Variants in TTN observed in about 807,000 individuals in gnomAD.
The protein encoded by TTN is titin.
A neutral mutation model predicts 3,223.0 loss-of-function variants in TTN; 1,525 were observed. The ratio of observed to expected loss-of-function variants is 0.47; its 90% confidence interval spans 0.45 to 0.49. The LOEUF (loss-of-function observed/expected upper bound fraction) is 0.49. Ranked by LOEUF, TTN falls within the 20% of genes least tolerant of loss-of-function variation. The pLI, the probability that TTN is intolerant of heterozygous loss-of-function variation, is 0.00. For synonymous variants in TTN, 14,094 were observed against 15,161.0 expected (o/e 0.93, Z 5.17); for missense variants, 40,786 against 43,424.0 (o/e 0.94, Z 5.40).
rs1170675568 is a variant in TTN, at chr2:178,565,863, C to G, written c.80269G>C (p.Val26757Leu). ...LTEGAIYYFRVMAENEFGVGV... is the reference protein window; with the variant it reads ...LTEGAIYYFRLMAENEFGVGV... Reference sequence around the variant, plus strand: ...ACTCCAAATTCATTTTCAGCCATGACTCTGAAGTAATAAATGGCTCCTTCT... The same window carrying G: ...ACTCCAAATTCATTTTCAGCCATGAGTCTGAAGTAATAAATGGCTCCTTCT... The change falls in exon 326 of 363, where the codon GTC (valine) becomes CTC (leucine). Residue 26757 changes from valine to leucine, a missense_variant. Transcript: ENST00000589042. 4 of 1,613,644 alleles carry G rather than the reference C, an allele frequency of 2.5e-6. No homozygotes were observed. Among genetic ancestry groups the G allele is most frequent in the Non-Finnish European group, 2.5e-6 (3 of 1,179,650 alleles).
chr2:178,799,937 G>C, intron 4 of TTN, 27 bp from the exon 5 acceptor site: 7 of 1,610,108 alleles, frequency 4.3e-6, no homozygotes, highest in Non-Finnish European at 5.9e-6. Flanking sequence ...ATGAATGTTT[G>C]GGAGGGGGCA....
chr2:178,556,465 AAAAC>A (rs1234945593), intron 330 of TTN: 1 of 223,514 alleles, frequency 4.5e-6, no homozygotes, highest in African/African-American at 2.4e-5. Context: ...CAAAAAAAAA[AAAAC>A]CAAAAAATGA....
intron 111 of TTN, among the ~76,000 whole-genome samples, chr2:178,700,866 C>A (rs1156969046): frequency 6.6e-6 from 1 of 152,052 alleles, no homozygotes; most frequent in Non-Finnish European, 1.5e-5. Flanking sequence ...AATTAGTTCT[C>A]TATTAATGTT....
At chr2:178,689,431 A>G in intron 123 of TTN, 58 bp from the exon 124 acceptor site, 2 of 1,606,578 alleles carry the variant, frequency 1.2e-6, no homozygotes, top group South Asian at 1.1e-5. Flanking sequence ...AATGAGCAAC[A>G]TAGAAGTGGC....
chr2:178,585,384 G>C (rs1189966953), intron 308 of TTN, 37 bp from the exon 309 acceptor site: 1 of 1,530,926 alleles, frequency 6.5e-7, no homozygotes, highest in African/African-American at 1.4e-5. Flanking sequence ...TTTTGGGAAG[G>C]TGGATAAGTT....
Position 178,691,983 on chromosome 2 carries a change from C to A in TTN, c.31762+33G>T, listed in dbSNP as rs754735170. 6 of 1,582,456 alleles carry A rather than the reference C, an allele frequency of 3.8e-6. No individual in the cohort carries two copies. In the African/African-American group the frequency reaches 4.1e-5, roughly 11 times the overall value. ...GAAAGCAAAAGGCTGGCACTTGGAG[C>A]AAAGAGTCTCCCCATCATTGGCTCT... On this transcript the variant is annotated intron_variant, in intron 121 of 362. Coordinates refer to ENST00000589042, the MANE Select transcript of TTN (RefSeq NM_001267550.2).
chr2:178,773,591 C>T lies in TTN; in HGVS notation c.7465G>A (p.Asp2489Asn). The T allele has an allele frequency of 6.2e-7, 1 of 1,614,012 alleles. No individual in the cohort carries two copies. Among genetic ancestry groups the T allele is most frequent in the Non-Finnish European group, 8.5e-7 (1 of 1,179,956 alleles). The change falls in exon 32 of 363, where the codon GAC becomes AAC. Residue 2489 changes from aspartate to asparagine, a missense_variant. Transcript: ENST00000589042. ...CCTTTCACAATGGCCTGTACACGGT[C>T]ATCAGGCTTGATTTGTTCATCATTT... is the stretch of plus-strand genomic sequence containing the variant. ...YLNDEQIKPD[D>N]RVQAIVKGTK...
intron 147 of TTN, among the ~76,000 whole-genome samples, chr2:178,676,549 T>C (rs554246215): frequency 6.6e-6 from 1 of 151,982 alleles, no homozygotes; most frequent in African/African-American, 2.4e-5. Flanking sequence ...CATTCAATGA[T>C]AGACTACTTT....
chr2:178,760,911 C>G (rs1574438706), intron 43 of TTN: 1 of 151,320 alleles, frequency 6.6e-6, no homozygotes, highest in South Asian at 2.1e-4. Context: ...CATCCTCTTA[C>G]AAGGTTCTCT....
At chr2:178,728,864 A>G in intron 65 of TTN, 27 bp downstream of exon 65, 1 of 1,577,042 alleles carries the variant, frequency 6.3e-7, no homozygotes, top group Non-Finnish European at 8.6e-7. Context: ...GCTATAGACT[A>G]TCTTTGAAAG....
chr2:178,662,542 C>CG lies in TTN; in HGVS notation c.36948dup (p.Ala12317ArgfsTer33). 2.9e-6 allele frequency: 3 copies of CG among 1,039,026 alleles called. No individual in the cohort carries two copies. The highest frequency in any genetic ancestry group is 3.8e-6 in the Non-Finnish European group (3 of 786,984). The allele number at this position is 1,039,026 out of a possible 1,614,324, so 64.4% of individuals were successfully genotyped here. ...TTGAGCTGACATGTACCTGTAACTG[C>CG]GGGGGCTTCTGGTTTTTTGATTGGT... On this transcript the variant is annotated frameshift_variant, in exon 176 of 363. Coordinates refer to ENST00000589042, the MANE Select transcript of TTN (RefSeq NM_001267550.2). LOFTEE classifies it high-confidence loss of function.
At chr2:178,746,025 C>T in intron 47 of TTN, 1 of 1,613,446 alleles carries the variant, frequency 6.2e-7, no homozygotes, top group Non-Finnish European at 8.5e-7. Context: ...GCCTCTCCTA[C>T]ACAATTCACA....
chr2:178,784,534 G>C (rs1333167117), intron 15 of TTN, among the ~76,000 whole-genome samples, 183 bp from the exon 16 acceptor site: 1 of 152,134 alleles, frequency 6.6e-6, no homozygotes, highest in East Asian at 1.9e-4. Flanking sequence ...TCCTTGTCAT[G>C]CCTGTTAGTT....
intron 47 of TTN, chr2:178,750,760 G>A (rs754726945): frequency 8.7e-6 from 14 of 1,612,638 alleles, no homozygotes; most frequent in South Asian, 2.2e-5. Context: ...CAAAAGATTC[G>A]CTGGCATGTG....
chr2:178,556,694 A>C, intron 330 of TTN, 154 bp downstream of exon 330: 1 of 852,162 alleles, frequency 1.2e-6, no homozygotes, highest in Non-Finnish European at 1.8e-6. Context: ...TATTTAAGGA[A>C]TTTTCCTCAG....
At chr2:178,779,595 G>A (rs1574711899) in intron 22 of TTN, 133 bp from the exon 23 acceptor site, 3 of 651,680 alleles carry the variant, frequency 4.6e-6, no homozygotes, top group Non-Finnish European at 7.8e-6. Context: ...TGGTTTGTTT[G>A]TTTTAATCTG....
In TTN at chr2:178,741,052, C is replaced by T. The variant is rs397517829; in HGVS notation, c.12181G>A (p.Ala4061Thr). The T allele has an allele frequency of 8.6e-5, 139 of 1,613,742 alleles. No homozygotes were observed. Among genetic ancestry groups the T allele is most frequent in the Non-Finnish European group, 9.5e-5 (112 of 1,179,838 alleles). Residue 4061 changes from alanine (A) to threonine (T), a missense_variant, in exon 48 of 363, where the codon GCA becomes ACA. By Grantham distance (58) the Ala-to-Thr change is moderately conservative. Coordinates refer to ENST00000589042, the MANE Select transcript of TTN (RefSeq NM_001267550.2). The part of the protein sequence containing the change: ...DFPQTPLKGP[A>T]VEALDSEQEI... ...TGCTCTGAGTCAAGTGCTTCAACTG[C>T]GGGACCCTTTAAGGGTGTCTGTGGA... is the stretch of plus-strand genomic sequence containing the variant.
Position 178,611,615 on chromosome 2 carries a change from C to G in TTN, c.50614G>C (p.Ala16872Pro), listed in dbSNP as rs727503619. 40 of 1,612,928 alleles carry G rather than the reference C, an allele frequency of 2.5e-5. No individual in the cohort carries two copies. The highest frequency in any genetic ancestry group is 3.3e-5 in the Non-Finnish European group (39 of 1,179,346). Residue 16872 changes from alanine to proline, a missense_variant, in exon 269 of 363, where the codon GCT becomes CCT. Physicochemically the swap from Ala to Pro is conservative, Grantham distance 27. Transcript: ENST00000589042. Reference protein sequence around the residue: ...TDAGRKHIAIAWKPPEKNGGS... With the variant: ...TDAGRKHIAIPWKPPEKNGGS... ...CCATTTTTCTCTGGAGGCTTCCAAG[C>G]AATGGCAATGTGTTTTCTCCCAGCA... is the stretch of plus-strand genomic sequence containing the variant.
chr2:178,547,256 A>T lies in TTN; in HGVS notation c.94269T>A (p.Asn31423Lys), dbSNP rs1387191410. 6.2e-7 allele frequency: 1 copy of T among 1,613,758 alleles called. No homozygotes were observed. Among genetic ancestry groups the T allele is most frequent in the Non-Finnish European group, 8.5e-7 (1 of 1,179,716 alleles). The change falls in exon 340 of 363, where the codon AAT becomes AAA. Residue 31423 changes from asparagine to lysine, a missense_variant. Asn to Lys is a moderately conservative substitution (Grantham distance 94, BLOSUM62 0). Transcript: ENST00000589042. ...GTTCTTCCCAACGAATAGACATGGC[A>T]TTGGCAGACACATGGTAGACCTCAG... ...TRPEVYHVSA[N>K]AMSIRWEEPY...
Sources: gnomAD v4.1 joint callset for allele counts (sites outside exome capture counted in the v4.1 genomes callset) on GRCh38, gnomAD v4.1.1 for gene constraint, MANE v1.5 for transcripts, NCBI Gene and HGNC (gene_info 2026-07-23, HGNC 2026-07-21) for gene names.